The following TTC28 variants were observed in gnomAD, a reference collection of about 807,000 sequenced individuals.
TTC28 encodes tetratricopeptide repeat protein 28.
TTC28 carries 61 observed loss-of-function variants against 198.0 expected under a neutral mutation model. The ratio of observed to expected loss-of-function variants is 0.31; its 90% CI spans 0.25 to 0.38. The LOEUF (loss-of-function observed/expected upper bound fraction) is 0.38, where lower values mean the gene tolerates loss of function less well. TTC28 is among the 10% of genes least tolerant of loss of function. The pLI is 1.00. For missense variants in TTC28, 2,678 were observed against 3,164.0 expected (o/e 0.85, Z 3.69); for synonymous variants, 1,171 against 1,297.8 (o/e 0.90, Z 2.10).
intron 2 of TTC28, among the ~76,000 whole-genome samples, chr22:28,545,758 C>A (rs1316522353): frequency 6.6e-6 from 1 of 151,888 alleles, no homozygotes; most frequent in Non-Finnish European, 1.5e-5. Context: ...AAATGTTTAA[C>A]AATAAATCTA....
At chr22:28,409,810 C>A (rs2047054928) in intron 2 of TTC28, among the ~76,000 whole-genome samples, 1 of 151,702 alleles carries the variant, frequency 6.6e-6, no homozygotes, top group Non-Finnish European at 1.5e-5. Context: ...GCGCACAGCA[C>A]CATGCCCAGC....
At chr22:28,629,357 T>C (rs1274473014) in intron 2 of TTC28, 195 bp downstream of exon 2, 3 of 571,274 alleles carry the variant, frequency 5.3e-6, no homozygotes, top group South Asian at 2.8e-5. Flanking sequence ...AACTTGCACA[T>C]GGAAAGCATG....
intron 2 of TTC28, among the ~76,000 whole-genome samples, chr22:28,599,501 T>C (rs1250061343): frequency 6.6e-6 from 1 of 152,176 alleles, no homozygotes; most frequent in Non-Finnish European, 1.5e-5. Context: ...ATTCAGTCTA[T>C]GAGCAAGCTG....
chr22:28,581,319 C>T (rs923088997), intron 2 of TTC28, among the ~76,000 whole-genome samples: 6 of 152,252 alleles, frequency 3.9e-5, no homozygotes, highest in South Asian at 2.1e-4. Context: ...CCCGTAAAGC[C>T]GGAAGAACCA....
chr22:28,032,241 TATATATAAA>T (rs1480659381), intron 12 of TTC28, among the ~76,000 whole-genome samples: 1 of 119,696 alleles, frequency 8.4e-6, no homozygotes, highest in African/African-American at 3.5e-5. Flanking sequence ...ATAAAATATA[TATATATAAA>T]ATATATATAT....
At chr22:28,422,519 A>G (rs2047273992) in intron 2 of TTC28, among the ~76,000 whole-genome samples, 1 of 151,780 alleles carries the variant, frequency 6.6e-6, no homozygotes. Context: ...GTTCACTGCA[A>G]GCTCCACCTC....
intron 5 of TTC28, among the ~76,000 whole-genome samples, chr22:28,217,794 T>C (rs1042160354): frequency 6.6e-6 from 1 of 152,326 alleles, no homozygotes; most frequent in East Asian, 1.9e-4. Context: ...ATTAGAATTT[T>C]TGAATATTTG....
intron 2 of TTC28, among the ~76,000 whole-genome samples, chr22:28,404,226 TCTC>T (rs1203463425): frequency 6.6e-6 from 1 of 152,062 alleles, no homozygotes; most frequent in Non-Finnish European, 1.5e-5. Flanking sequence ...TTCACACCAT[TCTC>T]CTGCCTCAGC....
intron 5 of TTC28, among the ~76,000 whole-genome samples, chr22:28,223,615 T>C (rs765475199): frequency 1.3e-5 from 2 of 152,150 alleles, no homozygotes; most frequent in African/African-American, 2.4e-5. Flanking sequence ...CCCAAAGAGA[T>C]TTCTCTGAAA....
chr22:28,611,057 G>C (rs1482466034), intron 2 of TTC28, among the ~76,000 whole-genome samples: 2 of 152,180 alleles, frequency 1.3e-5, no homozygotes, highest in Non-Finnish European at 2.9e-5. Context: ...AAGCCTCCAA[G>C]AAATATGGGA....
At chr22:28,038,539 A>T (rs1939462261) in intron 12 of TTC28, among the ~76,000 whole-genome samples, 1 of 152,220 alleles carries the variant, frequency 6.6e-6, no homozygotes. Flanking sequence ...TAAAGACTTA[A>T]ATGTTAGACC....
intron 2 of TTC28, among the ~76,000 whole-genome samples, chr22:28,594,222 T>C (rs1049731269): frequency 3.3e-5 from 5 of 150,296 alleles, no homozygotes; most frequent in African/African-American, 7.3e-5. Flanking sequence ...CCCTGAGACC[T>C]ATAATTAAAT....
intron 2 of TTC28, among the ~76,000 whole-genome samples, chr22:28,459,532 G>A (rs905857068): frequency 2.0e-5 from 3 of 152,120 alleles, no homozygotes; most frequent in African/African-American, 7.2e-5. Flanking sequence ...CAGAATCAAA[G>A]TGCCACCGAC....
At position 28,386,274 on chromosome 22, in the gene TTC28, C is replaced by CAACAAAA. The variant is rs1450364889; in HGVS notation, c.382-79632_382-79631insTTTTGTT. 5.7e-5 allele frequency among the ~76,000 whole-genome samples: 3 copies of CAACAAAA among 52,220 alleles called. No individual in the cohort carries two copies. The East Asian group carries it at 3.6e-3, about 62-fold the overall frequency. 34.3% of individuals were successfully genotyped at this position (52,220 alleles called of 152,430 possible). A position where few individuals can be genotyped will look rare whatever the true frequency, so the allele number is the denominator to read the frequency against. On this transcript the variant is annotated intron_variant, in intron 2 of 22. Coordinates refer to ENST00000397906, the MANE Select transcript of TTC28 (RefSeq NM_001145418.2). Reference sequence around the variant, plus strand: ...TGGGCGACAGAGCGAGACTCCGTCTCAAAAAAAAAAAAAAAAAAAAAAAAA... The same window carrying CAACAAAA: ...TGGGCGACAGAGCGAGACTCCGTCTCAACAAAAAAAAAAAAAAAAAAAAAAAAAAAAA...
At chr22:28,566,732 CT>C (rs2049975729) in intron 2 of TTC28, among the ~76,000 whole-genome samples, 1 of 152,034 alleles carries the variant, frequency 6.6e-6, no homozygotes, top group Non-Finnish European at 1.5e-5. Flanking sequence ...AAAAAAAGTT[CT>C]TGAAAATCAG....
intron 1 of TTC28, among the ~76,000 whole-genome samples, chr22:28,631,823 G>T (rs2051178309): frequency 1.3e-5 from 2 of 152,190 alleles, no homozygotes; most frequent in African/African-American, 4.8e-5. Flanking sequence ...ACAGCACCCA[G>T]CCTGTTACTC....
intron 1 of TTC28, among the ~76,000 whole-genome samples, chr22:28,645,083 T>G (rs1331334853): frequency 1.3e-5 from 2 of 151,090 alleles, no homozygotes; most frequent in African/African-American, 4.9e-5. Context: ...AGGCAGAGCT[T>G]GCAGTGAGCT....
At chr22:28,309,380 G>C (rs993039270) in intron 2 of TTC28, among the ~76,000 whole-genome samples, 1 of 152,134 alleles carries the variant, frequency 6.6e-6, no homozygotes, top group African/African-American at 2.4e-5. Context: ...AAGGCTCCCA[G>C]ACAAAATGTA....
intron 2 of TTC28, among the ~76,000 whole-genome samples, chr22:28,373,257 A>C (rs1242057048): frequency 2.0e-5 from 3 of 149,342 alleles, no homozygotes; most frequent in African/African-American, 4.9e-5. Context: ...CAAATGTTGA[A>C]AAAAAAAAAA....
Sources: allele counts gnomAD v4.1 joint callset (sites outside exome capture counted in the v4.1 genomes callset), GRCh38; gene constraint gnomAD v4.1.1; transcripts MANE v1.5; gene names NCBI Gene and HGNC (gene_info 2026-07-23, HGNC 2026-07-21).